GCC2: variants seen among roughly 807,000 people sequenced by gnomAD.
GCC2 encodes GRIP and coiled-coil domain-containing protein 2.
Under a neutral mutation model 210.6 loss-of-function variants are expected in GCC2, and 120 were observed. The observed-to-expected ratio is 0.57, with a 90% confidence interval of 0.49 to 0.66. The LOEUF (loss-of-function observed/expected upper bound fraction) is 0.66, where lower values mean the gene tolerates loss of function less well. Ranked by LOEUF, GCC2 falls within the 30% of genes least tolerant of loss-of-function variation. The pLI is 0.00. For synonymous variants in GCC2, 703 were observed against 652.7 expected, an observed-to-expected ratio of 1.08 and a Z score of -1.17; for missense variants, 1,868 against 1,871.9, an observed-to-expected ratio of 1.00 and a Z score of 0.04.
At position 108,507,804 on chromosome 2, in the gene GCC2, A is replaced by G. The variant is rs1573252580; in HGVS notation, c.*174A>G. 7.5e-6 allele frequency: 4 copies of G among 531,366 alleles called. No homozygotes were observed. Among genetic ancestry groups the G allele is most frequent in the East Asian group, 3.4e-5 (1 of 28,998 alleles). The allele number at this position is 531,366 out of a possible 1,614,324, so 32.9% of individuals were successfully genotyped here. A position where few individuals can be genotyped will look rare whatever the true frequency, so the allele number is the denominator to read the frequency against. On this transcript the variant is annotated 3_prime_UTR_variant, in exon 23 of 23. Transcript: ENST00000309863. ...AGTTTCATCTTGAAGTAAAAGTACA[A>G]CAGCTTGAAGTGTTGATAGCAGGCC...
chr2:108,470,904 T>C lies in GCC2; in HGVS notation c.1575T>C (p.Thr525=), dbSNP rs1434246089. 6.2e-7 allele frequency: 1 copy of C among 1,613,622 alleles called. No individual in the cohort carries two copies. ...DVHELQQKLR[T]AFTEKDALLE... is the part of the protein sequence containing the mutation. Reference sequence around the variant, plus strand: ...ATGAACTGCAGCAGAAGCTCAGAACTGCTTTTACTGAAAAAGATGCCCTTC... The same window carrying C: ...ATGAACTGCAGCAGAAGCTCAGAACCGCTTTTACTGAAAAAGATGCCCTTC... Residue 525 remains threonine (T), a synonymous_variant, in exon 6 of 23, where the codon ACT becomes ACC. Transcript: ENST00000309863.
At chr2:108,480,430 G>A (rs967588499) in intron 9 of GCC2, among the ~76,000 whole-genome samples, 2 of 152,102 alleles carry the variant, frequency 1.3e-5, no homozygotes, top group Non-Finnish European at 2.9e-5. Context: ...GAGTCATTGT[G>A]TCATAAAGAC....
chr2:108,472,244 T>A (rs755178590), intron 6 of GCC2, 128 bp downstream of exon 6: 5 of 538,026 alleles, frequency 9.3e-6, no homozygotes, highest in Non-Finnish European at 1.5e-5. Flanking sequence ...GTGGCAACTT[T>A]CTGAAAAGTG....
intron 18 of GCC2, among the ~76,000 whole-genome samples, chr2:108,492,280 A>G (rs540136383): frequency 7.2e-5 from 11 of 152,168 alleles, no homozygotes; most frequent in African/African-American, 2.7e-4. Flanking sequence ...ATATAATCCT[A>G]TTTTCTGATG....
intron 3 of GCC2, 132 bp from the exon 4 acceptor site, chr2:108,452,267 A>G (rs968386654): frequency 1.5e-6 from 1 of 672,636 alleles, no homozygotes; most frequent in East Asian, 2.7e-5. Flanking sequence ...GCAGAGATTA[A>G]TCATACTATT....
chr2:108,507,580 C>A lies in GCC2; in HGVS notation c.5005C>A (p.Arg1669Ser). ...CAAAGGTGAGGAAGAAAATGCTTCCCGTTCTTCTGGATGGGCATCCTATCT... is the reference window on the plus strand; with the variant it reads ...CAAAGGTGAGGAAGAAAATGCTTCCAGTTCTTCTGGATGGGCATCCTATCT... ...VAQGEEENAS[R>S]SSGWASYLHS... Residue 1669 changes from arginine (R) to serine (S), a missense_variant, in exon 23 of 23, where the codon CGT becomes AGT. Around this residue, in one of 3 missense-constraint regions of GCC2, gnomAD observed 20 missense variants for 28.2 expected, o/e 0.71. Coordinates refer to ENST00000309863, the MANE Select transcript of GCC2 (RefSeq NM_181453.4). 6.2e-7 allele frequency: 1 copy of A among 1,600,076 alleles called. No homozygotes were observed. The highest frequency in any genetic ancestry group is 1.7e-5 in the Admixed American group (1 of 59,360).
rs759382284 is a variant in GCC2 at position 108,470,157 on chromosome 2, A to G, written c.828A>G (p.Leu276=). ...CAGAGATAAATAAGTTGAACGAGCT[A>G]AAAGAGAACTTAGTAAAACAATGTG... ...HEAEINKLNE[L]KENLVKQCEA... is the part of the protein sequence containing the mutation. The change falls in exon 6 of 23, where the codon CTA becomes CTG. Residue 276 remains leucine, a synonymous_variant. Transcript: ENST00000309863. 5 of 1,613,770 alleles carry G rather than the reference A, an allele frequency of 3.1e-6. No homozygotes were observed. Among genetic ancestry groups the G allele is most frequent in the South Asian group, 2.2e-5 (2 of 91,052 alleles).
In GCC2 at chr2:108,471,133, A is replaced by G. The variant is rs1284064502; in HGVS notation, c.1804A>G (p.Lys602Glu). The part of the protein sequence containing the change: ...LTEEKDDFIN[K>E]LKNSHEEMDN... ...TGAGGAAAAAGATGATTTTATAAATAAACTGAAAAATTCCCATGAAGAAAT... is the reference window on the plus strand; with the variant it reads ...TGAGGAAAAAGATGATTTTATAAATGAACTGAAAAATTCCCATGAAGAAAT... The change falls in exon 6 of 23, where the codon AAA becomes GAA. Residue 602 changes from lysine to glutamate, a missense_variant. This residue lies in a region of GCC2 where 1,847 missense variants were observed against 1,765.2 expected (regional missense o/e 1.05). Transcript: ENST00000309863. 4.4e-6 allele frequency: 7 copies of G among 1,587,578 alleles called. No individual in the cohort carries two copies. The highest frequency in any genetic ancestry group is 1.1e-5 in the South Asian group (1 of 88,082).
At chr2:108,452,069 C>T (rs750656450) in intron 3 of GCC2, among the ~76,000 whole-genome samples, 8 of 152,032 alleles carry the variant, frequency 5.3e-5, no homozygotes, top group South Asian at 2.1e-4. Context: ...TTCTCGATAA[C>T]GTTTATTCTT....
chr2:108,506,524 G>A (rs1385440076), intron 22 of GCC2, among the ~76,000 whole-genome samples: 2 of 152,196 alleles, frequency 1.3e-5, no homozygotes, highest in East Asian at 3.8e-4. Flanking sequence ...GTGGTGGTAC[G>A]TAACTGTGCA....
intron 19 of GCC2, chr2:108,493,570 T>C (rs6710336): frequency 0.4 from 391,487 of 985,084 alleles, 80,200 homozygotes; most frequent in East Asian, 0.89. Context: ...ACATTTACAA[T>C]TAGTTGGAGT....
intron 7 of GCC2, among the ~76,000 whole-genome samples, chr2:108,473,619 A>G (rs1301112824): frequency 6.6e-6 from 1 of 152,168 alleles, no homozygotes; most frequent in African/African-American, 2.4e-5. Flanking sequence ...ACTTAGAAGT[A>G]TGTAATGTGC....
rs1015196678 is a variant in GCC2 at position 108,487,466 on chromosome 2, T to G, written c.3931-233T>G. 3.9e-5 allele frequency among the ~76,000 whole-genome samples: 6 copies of G among 152,158 alleles called. No homozygotes were observed. The South Asian group carries it at 6.2e-4, about 16-fold the overall frequency. On this transcript the variant is annotated intron_variant, in intron 16 of 22. Transcript: ENST00000309863. ...GACATTGTATGCATCCATCAAAATA[T>G]CACATGCACCCCATAAATATGTACA...
At chr2:108,468,940 A>G (rs759135357) in intron 4 of GCC2, 40 bp from the exon 5 acceptor site, 2 of 1,344,724 alleles carry the variant, frequency 1.5e-6, no homozygotes, top group Non-Finnish European at 2.1e-6. Flanking sequence ...TCAATCCACC[A>G]TTTTTTAACC....
At chr2:108,466,515 C>G (rs1371824400) in intron 4 of GCC2, among the ~76,000 whole-genome samples, 2 of 151,832 alleles carry the variant, frequency 1.3e-5, no homozygotes, top group African/African-American at 4.8e-5. Context: ...CTCTGTCACC[C>G]AGGCTGGAGT....
chr2:108,474,115 G>GC (rs1681384087), intron 7 of GCC2, among the ~76,000 whole-genome samples: 1 of 152,208 alleles, frequency 6.6e-6, no homozygotes, highest in African/African-American at 2.4e-5. Flanking sequence ...CCAAGATCAT[G>GC]CCACTGCACT....
In GCC2 at chr2:108,454,561, T is replaced by C. The variant is rs147823673; in HGVS notation, c.216+2095T>C. ...AGTCATTATATGTTTTCTTAATCCA[T>C]GATAGCCACAGTACAACTATATGTT... is the stretch of plus-strand genomic sequence containing the variant. On this transcript the variant is annotated intron_variant, in intron 4 of 22. Transcript: ENST00000309863. Among the ~76,000 whole-genome samples the C allele has an allele frequency of 3.9e-5, 6 of 152,346 alleles. No homozygotes were observed. The East Asian group carries it at 1.2e-3, about 29-fold the overall frequency.
intron 22 of GCC2, among the ~76,000 whole-genome samples, chr2:108,506,877 GAA>G (rs1683215946): frequency 6.6e-6 from 1 of 152,120 alleles, no homozygotes; most frequent in Non-Finnish European, 1.5e-5. Context: ...CAGAATAGAA[GAA>G]GAATTTCTTA....
At chr2:108,489,744 G>A in intron 17 of GCC2, 94 bp from the exon 18 acceptor site, 1 of 687,852 alleles carries the variant, frequency 1.5e-6, no homozygotes, top group Non-Finnish European at 2.4e-6. Flanking sequence ...CAAGAGTATG[G>A]CATTGAAAGG....
Sources: gnomAD v4.1 joint callset for allele counts (sites outside exome capture counted in the v4.1 genomes callset) on GRCh38, gnomAD v4.1.1 for gene constraint, gnomAD v4.1.1 regional missense constraint, MANE v1.5 for transcripts, NCBI Gene and HGNC (gene_info 2026-07-23, HGNC 2026-07-21) for gene names.